Variants in EYS observed in about 807,000 individuals in gnomAD.
EYS encodes the protein EGF-like photoreceptor maintenance factor.
A neutral mutation model predicts 282.1 loss-of-function variants in EYS; 250 were observed. That is an observed-to-expected ratio of 0.89 (90% CI 0.80 to 0.98). The LOEUF (loss-of-function observed/expected upper bound fraction) is 0.98. Among genes scored for constraint, EYS ranks in the 50% least tolerant of loss-of-function variants. The pLI is 0.00. For missense variants in EYS, 4,016 were observed against 3,709.0 expected, an observed-to-expected ratio of 1.08 and a Z score of -2.15; for synonymous variants, 1,355 against 1,282.9, an observed-to-expected ratio of 1.06 and a Z score of -1.20.
At chr6:64,593,452 C>T (rs1342498354) in intron 24 of EYS, 143 bp from the exon 25 acceptor site, 3 of 601,924 alleles carry the variant, frequency 5.0e-6, no homozygotes, top group Non-Finnish European at 7.9e-6. Flanking sequence ...AAAATTAAAT[C>T]TCCATAGTAA....
At chr6:64,795,107 T>C (rs1244948532) in intron 22 of EYS, among the ~76,000 whole-genome samples, 1 of 151,894 alleles carries the variant, frequency 6.6e-6, no homozygotes, top group Non-Finnish European at 1.5e-5. Context: ...TGGTGGCAGA[T>C]GTTTGTAATC....
At chr6:64,945,667 G>T in intron 15 of EYS, 126 bp downstream of exon 15, 1 of 796,516 alleles carries the variant, frequency 1.3e-6, no homozygotes, top group Non-Finnish European at 1.9e-6. Flanking sequence ...TCAGTAAATG[G>T]CTCTTCATTG....
In EYS at chr6:63,809,323, G is replaced by A. The variant is rs554376590; in HGVS notation, c.7229-2951C>T. 3.9e-5 allele frequency among the ~76,000 whole-genome samples: 6 copies of A among 152,258 alleles called. No individual in the cohort carries two copies. In the East Asian group the frequency reaches 9.6e-4, roughly 24 times the overall value. ...TAAGCCCTTTTCCATCTTCCGCCAG[G>A]TAACATTTGGTTAATTTGGTTACTC... On this transcript the variant is annotated intron_variant, in intron 36 of 42. Coordinates refer to ENST00000503581, the MANE Select transcript of EYS (RefSeq NM_001142800.2).
At chr6:63,936,938 G>T (rs1049329504) in intron 35 of EYS, among the ~76,000 whole-genome samples, 2 of 152,126 alleles carry the variant, frequency 1.3e-5, no homozygotes, top group East Asian at 3.8e-4. Flanking sequence ...GGCTAGCCGT[G>T]GTGTGATAAG....
At chr6:65,336,934 T>C (rs755740333) in intron 10 of EYS, among the ~76,000 whole-genome samples, 2 of 151,494 alleles carry the variant, frequency 1.3e-5, no homozygotes, top group Non-Finnish European at 3.0e-5. Context: ...TCCTAATTTC[T>C]ACAAGTAAAT....
intron 35 of EYS, among the ~76,000 whole-genome samples, chr6:63,937,736 G>A (rs972153126): frequency 3.9e-5 from 6 of 152,040 alleles, no homozygotes; most frequent in African/African-American, 1.4e-4. Flanking sequence ...CTGTCTGATA[G>A]TAGAAAACAA....
chr6:65,440,862 GATTTATATTATAT>G (rs965646083), intron 5 of EYS, among the ~76,000 whole-genome samples: 7 of 143,942 alleles, frequency 4.9e-5, no homozygotes, highest in Non-Finnish European at 1.1e-4. Context: ...TATATATATA[GATTTATATTATAT>G]ATTTATATTA....
intron 22 of EYS, among the ~76,000 whole-genome samples, chr6:64,659,384 T>C (rs553147320): frequency 6.6e-6 from 1 of 151,828 alleles, no homozygotes; most frequent in African/African-American, 2.4e-5. Context: ...ATAACTAAGA[T>C]CAGAGCAGAA....
At chr6:64,580,352 A>C (rs897942290) in intron 26 of EYS, among the ~76,000 whole-genome samples, 1 of 152,182 alleles carries the variant, frequency 6.6e-6, no homozygotes, top group African/African-American at 2.4e-5. Flanking sequence ...AGAAGGATAA[A>C]GGGAAAAATT....
At chr6:64,936,237 A>G (rs1018853627) in intron 15 of EYS, among the ~76,000 whole-genome samples, 4 of 151,310 alleles carry the variant, frequency 2.6e-5, no homozygotes, top group African/African-American at 9.7e-5. Context: ...CATTCAACAC[A>G]TTTTATAAAA....
At chr6:65,126,805 C>T (rs1469275606) in intron 12 of EYS, among the ~76,000 whole-genome samples, 1 of 152,118 alleles carries the variant, frequency 6.6e-6, no homozygotes, top group South Asian at 2.1e-4. Context: ...AAAGTGCTGG[C>T]GTTCCAAAAA....
At chr6:65,069,071 T>A (rs1583453708) in intron 12 of EYS, among the ~76,000 whole-genome samples, 1 of 152,110 alleles carries the variant, frequency 6.6e-6, no homozygotes, top group Non-Finnish European at 1.5e-5. Context: ...TCTCCTACAT[T>A]TTTGGTACTC....
At chr6:65,145,524 A>AG (rs1199339420) in intron 12 of EYS, among the ~76,000 whole-genome samples, 1 of 151,264 alleles carries the variant, frequency 6.6e-6, no homozygotes, top group East Asian at 1.9e-4. Flanking sequence ...AAAAAAAAAA[A>AG]GGATGTGGAG....
chr6:64,831,072 T>C (rs1050566882), intron 19 of EYS, among the ~76,000 whole-genome samples: 3 of 151,924 alleles, frequency 2.0e-5, no homozygotes, highest in Non-Finnish European at 4.4e-5. Flanking sequence ...GCTCAACATC[T>C]TCCTTTCCCA....
At chr6:64,762,246 T>C (rs572964882) in intron 22 of EYS, among the ~76,000 whole-genome samples, 203 of 152,322 alleles carry the variant, frequency 1.3e-3, no homozygotes, top group African/African-American at 4.6e-3. Flanking sequence ...TTTGTAATGG[T>C]TGTCATGATT....
intron 12 of EYS, among the ~76,000 whole-genome samples, chr6:65,128,454 G>T (rs1775779299): frequency 6.6e-6 from 1 of 151,864 alleles, no homozygotes; most frequent in South Asian, 2.1e-4. Context: ...AAAGCTCCTA[G>T]AACTGATAGA....
chr6:64,937,459 C>A (rs1004493910), intron 15 of EYS, among the ~76,000 whole-genome samples: 19 of 151,534 alleles, frequency 1.3e-4, no homozygotes, highest in African/African-American at 4.4e-4. Flanking sequence ...TACATAACTT[C>A]CATTCCCAAA....
intron 14 of EYS, among the ~76,000 whole-genome samples, chr6:64,960,178 C>T (rs1380616984): frequency 2.0e-5 from 3 of 152,046 alleles, no homozygotes; most frequent in East Asian, 1.9e-4. Context: ...TTTCTTAATC[C>T]TGTTAACAAA....
At chr6:63,854,108 A>G (rs1772329244) in intron 36 of EYS, among the ~76,000 whole-genome samples, 1 of 152,242 alleles carries the variant, frequency 6.6e-6, no homozygotes, top group African/African-American at 2.4e-5. Context: ...TACTGGGTAT[A>G]TACCCAAAGG....
Sources: gnomAD v4.1 joint callset for allele counts (sites outside exome capture counted in the v4.1 genomes callset) on GRCh38, gnomAD v4.1.1 for gene constraint, MANE v1.5 for transcripts, NCBI Gene and HGNC (gene_info 2026-07-23, HGNC 2026-07-21) for gene names.